EPB41: variants seen among roughly 807,000 people sequenced by gnomAD.
EPB41 encodes protein 4.1.
A neutral mutation model predicts 108.0 loss-of-function variants in EPB41; 65 were observed. The observed-to-expected ratio is 0.60, with a 90% CI of 0.49 to 0.74. The LOEUF (loss-of-function observed/expected upper bound fraction) is 0.74. Among genes scored for constraint, EPB41 ranks in the 30% least tolerant of loss-of-function variants. EPB41 has a pLI of 0.00. For synonymous variants in EPB41, 336 were observed against 358.9 expected, an observed-to-expected ratio of 0.94 and a Z score of 0.72; for missense variants, 875 against 1,037.0, an observed-to-expected ratio of 0.84 and a Z score of 2.15.
chr1:29,032,163 T>G (rs1351723295), intron 8 of EPB41, among the ~76,000 whole-genome samples: 1 of 151,956 alleles, frequency 6.6e-6, no homozygotes, highest in African/African-American at 2.4e-5. Context: ...ACAACTTCTA[T>G]GAATCTCTAA....
At chr1:29,062,699 C>G (rs950305201) in intron 15 of EPB41, among the ~76,000 whole-genome samples, 1 of 151,586 alleles carries the variant, frequency 6.6e-6, no homozygotes, top group African/African-American at 2.4e-5. Flanking sequence ...CTACCCCGCC[C>G]CCACTAATGC....
upstream of EPB41, among the ~76,000 whole-genome samples, chr1:28,909,898 C>T (rs1020045004): frequency 7.2e-5 from 11 of 151,864 alleles, no homozygotes; most frequent in Non-Finnish European, 1.3e-4. Flanking sequence ...GTGTGGGTAA[C>T]ACTATGAGAC....
intron 7 of EPB41, among the ~76,000 whole-genome samples, chr1:29,027,915 C>T (rs2096742158): frequency 6.6e-6 from 1 of 152,056 alleles, no homozygotes; most frequent in South Asian, 2.1e-4. Context: ...ACCTCTGCCT[C>T]CCAGGTTCAA....
At chr1:28,929,843 CTTTTTTTTTTTT>C (rs56337991) in intron 1 of EPB41, among the ~76,000 whole-genome samples, 9 of 101,886 alleles carry the variant, frequency 8.8e-5, no homozygotes, top group Admixed American at 3.3e-4. Flanking sequence ...ACTGGGCCTT[CTTTTTTTTTTTT>C]TTTTTTTTTT....
At chr1:29,096,115 C>T in intron 16 of EPB41, 1 of 977,964 alleles carries the variant, frequency 1.0e-6, no homozygotes. Context: ...CCCACTTATA[C>T]CTAATCTTCT....
intron 7 of EPB41, among the ~76,000 whole-genome samples, chr1:29,022,224 C>A: frequency 6.6e-6 from 1 of 151,538 alleles, no homozygotes; most frequent in Non-Finnish European, 1.5e-5. Flanking sequence ...TAGAAATGCA[C>A]AATGTTAAAA....
At chr1:28,913,292 G>T (rs1267854354), upstream of EPB41, among the ~76,000 whole-genome samples, 6 of 152,234 alleles carry the variant, frequency 3.9e-5, no homozygotes, top group South Asian at 2.1e-4. Context: ...ACAAAAATTA[G>T]CTGGGCGTGG....
intron 16 of EPB41, among the ~76,000 whole-genome samples, chr1:29,085,331 G>T (rs569977947): frequency 6.6e-6 from 1 of 151,892 alleles, no homozygotes; most frequent in African/African-American, 2.4e-5. Flanking sequence ...TTTTAGTGGA[G>T]ATGGGGTTTC....
Position 29,065,093 on chromosome 1 carries a change from C to G in EPB41, c.2119C>G (p.Arg707Gly), listed in dbSNP as rs772607266. The change falls in exon 16 of 21, where the codon CGC (arginine) becomes GGC (glycine). Residue 707 changes from arginine (R) to glycine (G), a missense_variant. Arg to Gly is a moderately radical substitution (Grantham distance 125). This residue lies in a region of EPB41 where 519 missense variants were observed against 627.3 expected (regional missense o/e 0.83). Coordinates refer to ENST00000343067, the MANE Select transcript of EPB41 (RefSeq NM_001376013.1). Reference protein sequence around the residue: ...PEPRPSEWDKRLSTHSPFRTL... With the variant: ...PEPRPSEWDKGLSTHSPFRTL... ...ACCACGGCCTAGTGAATGGGATAAACGCTTATCCACTCACTCACCCTTCCG... is the reference window on the plus strand; with the variant it reads ...ACCACGGCCTAGTGAATGGGATAAAGGCTTATCCACTCACTCACCCTTCCG... 4.3e-6 allele frequency: 7 copies of G among 1,614,066 alleles called. No homozygotes were observed. In the Admixed American group the frequency reaches 6.7e-5, roughly 15 times the overall value.
intron 7 of EPB41, among the ~76,000 whole-genome samples, chr1:29,029,851 T>A (rs145303729): frequency 1.3e-4 from 20 of 152,228 alleles, no homozygotes; most frequent in Non-Finnish European, 2.6e-4. Context: ...CACCATCTGT[T>A]ACCAGAAATT....
chr1:29,029,942 A>T (rs1191699886), intron 7 of EPB41, among the ~76,000 whole-genome samples: 1 of 152,170 alleles, frequency 6.6e-6, no homozygotes, highest in Non-Finnish European at 1.5e-5. Flanking sequence ...TCCATAACTC[A>T]ATTCAGGGGT....
At chr1:28,964,439 TA>T (rs1372782853) in intron 1 of EPB41, among the ~76,000 whole-genome samples, 109 of 139,066 alleles carry the variant, frequency 7.8e-4, no homozygotes, top group Middle Eastern at 3.8e-3. Flanking sequence ...AGACTCTGTC[TA>T]AAAAAAAAAA....
intron 2 of EPB41, among the ~76,000 whole-genome samples, chr1:28,990,299 C>CCTTCCTTCCTTT: frequency 8.6e-6 from 1 of 116,224 alleles, no homozygotes; most frequent in East Asian, 2.6e-4. Context: ...TTTCAAATTT[C>CCTTCCTTCCTTT]CTTCCTTCCT....
Position 29,062,000 on chromosome 1 carries a change from A to AG in EPB41, c.2007+1517dup, listed in dbSNP as rs1646651325. 2.6e-5 allele frequency among the ~76,000 whole-genome samples: 4 copies of AG among 152,326 alleles called. No homozygotes were observed. The South Asian group carries it at 8.3e-4, about 32-fold the overall frequency. ...GTACTTGTTATGTATAAAGTCTCTG[A>AG]GAAAAAAATATGCCCAGCCTTCATT... is the stretch of plus-strand genomic sequence containing the variant. On this transcript the variant is annotated intron_variant, in intron 15 of 20. Coordinates refer to ENST00000343067, the MANE Select transcript of EPB41 (RefSeq NM_001376013.1).
At chr1:29,042,471 T>TTGTTTTGTTG (rs1641877666) in intron 11 of EPB41, among the ~76,000 whole-genome samples, 1 of 151,484 alleles carries the variant, frequency 6.6e-6, no homozygotes, top group African/African-American at 2.4e-5. Context: ...TTTGTTTTTT[T>TTGTTTTGTTG]TGTTTTGTTT....
At chr1:28,991,511 C>T (rs1289394327) in intron 2 of EPB41, among the ~76,000 whole-genome samples, 1 of 151,622 alleles carries the variant, frequency 6.6e-6, no homozygotes, top group Non-Finnish European at 1.5e-5. Flanking sequence ...CGAGACCAAC[C>T]TGGGCAACAT....
intron 16 of EPB41, chr1:29,070,765 C>A (rs1650968443): frequency 1.7e-6 from 2 of 1,142,954 alleles, no homozygotes; most frequent in Non-Finnish European, 2.2e-6. Context: ...AAATGTTACT[C>A]TTTGTAGAGT....
chr1:29,025,586 AT>A (rs764356250), intron 7 of EPB41, among the ~76,000 whole-genome samples: 11 of 152,066 alleles, frequency 7.2e-5, no homozygotes, highest in Non-Finnish European at 1.0e-4. Flanking sequence ...AAGGCAAAAA[AT>A]AATTTATTTT....
intron 6 of EPB41, among the ~76,000 whole-genome samples, chr1:29,016,428 A>G (rs895210777): frequency 2.7e-5 from 4 of 148,888 alleles, no homozygotes; most frequent in Admixed American, 1.4e-4. Context: ...ACCTCAGGTG[A>G]TCTGCTTGCC....
Sources: gnomAD v4.1 joint callset for allele counts (sites outside exome capture counted in the v4.1 genomes callset) on GRCh38, gnomAD v4.1.1 for gene constraint, gnomAD v4.1.1 regional missense constraint, MANE v1.5 for transcripts, NCBI Gene and HGNC (gene_info 2026-07-23, HGNC 2026-07-21) for gene names.